The following RTF2 variants were observed in gnomAD, a reference collection of about 807,000 sequenced individuals.
RTF2 encodes the protein UPF0549 protein C20orf43.
Under a neutral mutation model 38.0 loss-of-function variants are expected in RTF2, and 18 were observed. That is an observed-to-expected ratio of 0.47 (90% CI 0.33 to 0.70). The LOEUF (loss-of-function observed/expected upper bound fraction) is 0.70, where lower values mean the gene tolerates loss of function less well. Among genes scored for constraint, RTF2 ranks in the 30% least tolerant of loss-of-function variants. RTF2 has a pLI of 0.02. For synonymous variants in RTF2, 126 were observed against 137.1 expected (o/e 0.92, Z 0.57); for missense variants, 311 against 379.6 (o/e 0.82, Z 1.50).
At chr20:56,513,588 C>T (rs1040505083) in intron 6 of RTF2, among the ~76,000 whole-genome samples, 160 bp downstream of exon 6, 4 of 152,176 alleles carry the variant, frequency 2.6e-5, no homozygotes, top group African/African-American at 9.7e-5. Flanking sequence ...CAGCTGAGGC[C>T]CAGGCACTGC....
At position 56,496,573 on chromosome 20, in the gene RTF2, C is replaced by T. The variant is rs188835519; in HGVS notation, c.477+12384C>T. On this transcript the variant is annotated intron_variant, in intron 5 of 8. Coordinates refer to ENST00000357348, the MANE Select transcript of RTF2 (RefSeq NM_016407.5). ...AAAATCAGTCAGTCAATCAATCAAT[C>T]AATCAATCTATCTGCTGCTGTTGCT... The T allele has an allele frequency of 1.7e-3, 2,370 of 1,428,838 alleles. 2 individuals carry two copies. The highest frequency in any genetic ancestry group is 2.1e-3 in the Non-Finnish European group (2,247 of 1,082,932). The allele number at this position is 1,428,838 out of a possible 1,614,324, so 88.5% of individuals were successfully genotyped here.
chr20:56,485,276 C>T (rs532219122), intron 5 of RTF2, among the ~76,000 whole-genome samples: 27 of 152,220 alleles, frequency 1.8e-4, no homozygotes, highest in Admixed American at 1.2e-3. Context: ...GCAGCCTCTT[C>T]GGCAGCAGGA....
chr20:56,473,207 A>G lies in RTF2; in HGVS notation c.70-94A>G, dbSNP rs554240644. The G allele has an allele frequency of 6.8e-5, 59 of 872,268 alleles. No homozygotes were observed. In the African/African-American group the frequency reaches 9.6e-4, roughly 14 times the overall value. The allele number at this position is 872,268 out of a possible 1,614,324, so 54.0% of individuals were successfully genotyped here. On this transcript the variant is annotated intron_variant, in intron 1 of 8. Coordinates refer to ENST00000357348, the MANE Select transcript of RTF2 (RefSeq NM_016407.5). ...TGATTTAAAAAACAAAAATCATTACAGTGCGGTATTACTGAATATACTTTT... is the reference window on the plus strand; with the variant it reads ...TGATTTAAAAAACAAAAATCATTACGGTGCGGTATTACTGAATATACTTTT...
intron 3 of RTF2, among the ~76,000 whole-genome samples, chr20:56,475,686 A>C (rs1203619182): frequency 6.6e-6 from 1 of 152,180 alleles, no homozygotes. Context: ...TTCCATGTGC[A>C]CATGTAAGAT....
chr20:56,488,340 G>A (rs984532291), intron 5 of RTF2, among the ~76,000 whole-genome samples: 2 of 150,204 alleles, frequency 1.3e-5, no homozygotes, highest in South Asian at 2.1e-4. Flanking sequence ...CAGCCTGGGC[G>A]ACAGAGCTAG....
rs966124270 is a variant in RTF2, at chr20:56,476,973, G to A, written c.259-12G>A. 2.5e-6 allele frequency: 4 copies of A among 1,613,034 alleles called. No homozygotes were observed. In the African/African-American group the frequency reaches 5.3e-5, roughly 22 times the overall value. On this transcript the variant is annotated splice_polypyrimidine_tract_variant and intron_variant, in intron 3 of 8. Transcript: ENST00000357348. The stretch of plus-strand genomic sequence containing the variant: ...TCAAATGAATTGTTAAAATATTAAT[G>A]GTTTTTCCCAGAATGTGACAGAGCT...
At chr20:56,485,709 T>C (rs532157860) in intron 5 of RTF2, among the ~76,000 whole-genome samples, 1 of 152,278 alleles carries the variant, frequency 6.6e-6, no homozygotes, top group Admixed American at 6.5e-5. Context: ...AAATAAAACA[T>C]TTGGGAATTG....
chr20:56,469,921 T>C (rs1028324189), intron 1 of RTF2, among the ~76,000 whole-genome samples: 1 of 152,210 alleles, frequency 6.6e-6, no homozygotes, highest in Admixed American at 6.5e-5. Context: ...CTTCATTCAG[T>C]TTTTTACTCA....
At chr20:56,513,794 A>G in intron 6 of RTF2, 1 of 227,002 alleles carries the variant, frequency 4.4e-6, no homozygotes, top group Non-Finnish European at 9.2e-6. Context: ...GCTGTCACTT[A>G]CTGTTGCTGT....
intron 5 of RTF2, among the ~76,000 whole-genome samples, chr20:56,493,199 T>C (rs1983285312): frequency 6.6e-6 from 1 of 151,968 alleles, no homozygotes; most frequent in Non-Finnish European, 1.5e-5. Context: ...CTTAAGGAAA[T>C]ACTGTTTTTA....
At chr20:56,504,324 G>A (rs34983295) in intron 5 of RTF2, 56,381 of 151,958 alleles carry the variant, frequency 0.37, 11,179 homozygotes, top group Non-Finnish European at 0.45. Flanking sequence ...AACAGAAGAC[G>A]CCTGACCCAG....
intron 5 of RTF2, chr20:56,491,846 G>T: frequency 7.9e-7 from 1 of 1,264,654 alleles, no homozygotes; most frequent in Non-Finnish European, 1.1e-6. Context: ...TTCACACACA[G>T]AAAGTGGCGC....
At chr20:56,501,472 T>A (rs948298633) in intron 5 of RTF2, among the ~76,000 whole-genome samples, 3 of 152,212 alleles carry the variant, frequency 2.0e-5, no homozygotes, top group African/African-American at 7.2e-5. Flanking sequence ...CATTTTTTCC[T>A]CCATAGAAAG....
intron 5 of RTF2, among the ~76,000 whole-genome samples, chr20:56,511,917 C>T (rs2146373687): frequency 6.6e-6 from 1 of 152,302 alleles, no homozygotes; most frequent in Non-Finnish European, 1.5e-5. Flanking sequence ...ACCATAACCC[C>T]TGCCTCTCGG....
intron 2 of RTF2, among the ~76,000 whole-genome samples, chr20:56,473,611 C>T (rs2079632521): frequency 6.6e-6 from 1 of 152,150 alleles, no homozygotes. Context: ...GGGCTGAGCG[C>T]AGTGGCTCAC....
At chr20:56,496,530 C>G in intron 5 of RTF2, 1 of 1,223,476 alleles carries the variant, frequency 8.2e-7, no homozygotes, top group Non-Finnish European at 1.1e-6. Flanking sequence ...CCTCGGTGAC[C>G]GTGTGAGACT....
rs768329860 is a variant in RTF2, at chr20:56,491,533, T to A, written c.477+7344T>A. The A allele has an allele frequency of 2.9e-6, 4 of 1,371,566 alleles. No homozygotes were observed. The South Asian group carries it at 5.0e-5, about 17-fold the overall frequency. The allele number at this position is 1,371,566 out of a possible 1,614,324, so 85.0% of individuals were successfully genotyped here. On this transcript the variant is annotated intron_variant, in intron 5 of 8. Coordinates refer to ENST00000357348, the MANE Select transcript of RTF2 (RefSeq NM_016407.5). ...GTTTCAAGTCAAGGAAACAGAATGATACCAGTAAGAAAGCAAACACTCCCT... is the reference window on the plus strand; with the variant it reads ...GTTTCAAGTCAAGGAAACAGAATGAAACCAGTAAGAAAGCAAACACTCCCT...
At chr20:56,472,442 A>G (rs1296544936) in intron 1 of RTF2, 1 of 1,357,038 alleles carries the variant, frequency 7.4e-7, no homozygotes, top group South Asian at 1.2e-5. Flanking sequence ...TTCGAGGGCC[A>G]GGGAGGGTCT....
intron 5 of RTF2, among the ~76,000 whole-genome samples, chr20:56,505,587 G>A (rs1460898984): frequency 6.6e-6 from 1 of 151,836 alleles, no homozygotes; most frequent in Non-Finnish European, 1.5e-5. Flanking sequence ...GGGGTCGAGG[G>A]TTGGTGCTGG....
Sources: gnomAD v4.1 joint callset for allele counts (sites outside exome capture counted in the v4.1 genomes callset) on GRCh38, gnomAD v4.1.1 for gene constraint, MANE v1.5 for transcripts, NCBI Gene and HGNC (gene_info 2026-07-23, HGNC 2026-07-21) for gene names.